STOM: variants seen among roughly 807,000 people sequenced by gnomAD.
STOM encodes the protein erythrocyte band 7 integral membrane protein.
A neutral mutation model predicts 30.6 loss-of-function variants in STOM; 25 were observed. The ratio of observed to expected loss-of-function variants is 0.82; its 90% confidence interval spans 0.60 to 1.14. The LOEUF is 1.14. Ranked by LOEUF, STOM falls within the 50% of genes most tolerant of loss-of-function variation. The pLI is 0.00. For missense variants in STOM, 292 were observed against 365.2 expected, an observed-to-expected ratio of 0.80 and a Z score of 1.63; for synonymous variants, 118 against 130.8, an observed-to-expected ratio of 0.90 and a Z score of 0.67.
At chr9:121,347,716 A>G (rs147422778) in intron 6 of STOM, among the ~76,000 whole-genome samples, 96 of 152,358 alleles carry the variant, frequency 6.3e-4, no homozygotes, top group Middle Eastern at 3.4e-3. Flanking sequence ...GTCCATAGAT[A>G]TTAATATTAA....
intron 3 of STOM, 114 bp downstream of exon 3, chr9:121,354,486 CT>C: frequency 2.6e-6 from 2 of 769,548 alleles, no homozygotes; most frequent in East Asian, 5.6e-5. Flanking sequence ...TGCCACTGTA[CT>C]CCAGCCTGGG....
chr9:121,345,230 A>G lies in STOM; in HGVS notation c.660+2785T>C, dbSNP rs145234323. On this transcript the variant is annotated intron_variant, in intron 6 of 6. Coordinates refer to ENST00000286713, the MANE Select transcript of STOM (RefSeq NM_004099.6). ...CTCATAGGGTATACAAATGTTCAGT[A>G]TGAATAGACATTGCCAGACTGTTTT... is the stretch of plus-strand genomic sequence containing the variant. Among the ~76,000 whole-genome samples the G allele has an allele frequency of 4.5e-3, 691 of 152,298 alleles. 3 individuals are homozygous for G. Among genetic ancestry groups the G allele is most frequent in the Non-Finnish European group, 7.7e-3 (526 of 68,024 alleles).
At chr9:121,355,227 G>A (rs2064374581) in intron 2 of STOM, among the ~76,000 whole-genome samples, 3 of 100,540 alleles carry the variant, frequency 3.0e-5, no homozygotes, top group African/African-American at 8.7e-5. Flanking sequence ...AGGTGACTCC[G>A]TCTCAAAAAA....
chr9:121,345,665 C>A (rs1280928256), intron 6 of STOM, among the ~76,000 whole-genome samples: 3 of 152,168 alleles, frequency 2.0e-5, no homozygotes, highest in African/African-American at 7.2e-5. Flanking sequence ...TCTAGACTAA[C>A]CCTACAGCCC....
rs1218627430 is a variant in STOM, at chr9:121,339,065, A to C, written c.*2137T>G. Reference sequence around the variant, plus strand: ...TCAATACAGGCCGAAACAGACTCTCACCCCAAAAATATTAGTGAAAGTGCA... The same window carrying C: ...TCAATACAGGCCGAAACAGACTCTCCCCCCAAAAATATTAGTGAAAGTGCA... On this transcript the variant is annotated 3_prime_UTR_variant, in exon 7 of 7. Coordinates refer to ENST00000286713, the MANE Select transcript of STOM (RefSeq NM_004099.6). The C allele has an allele frequency of 6.6e-6, 1 of 152,162 alleles. No homozygotes were observed. Among genetic ancestry groups the C allele is most frequent in the South Asian group, 2.1e-4 (1 of 4,820 alleles). 9.4% of individuals were successfully genotyped at this position (152,162 alleles called of 1,614,324 possible).
intron 4 of STOM, among the ~76,000 whole-genome samples, chr9:121,351,493 T>C (rs2064338911): frequency 6.6e-6 from 1 of 152,228 alleles, no homozygotes; most frequent in African/African-American, 2.4e-5. Flanking sequence ...CCATGCTGAG[T>C]ATCTGGCCTT....
chr9:121,344,434 G>C (rs2064272319), intron 6 of STOM, among the ~76,000 whole-genome samples: 1 of 152,138 alleles, frequency 6.6e-6, no homozygotes, highest in South Asian at 2.1e-4. Flanking sequence ...TGAGAAGCCA[G>C]ACCCACCGGG....
At chr9:121,354,947 C>T (rs2064371120) in intron 2 of STOM, among the ~76,000 whole-genome samples, 1 of 152,000 alleles carries the variant, frequency 6.6e-6, no homozygotes, top group South Asian at 2.1e-4. Context: ...CACTCCTCAG[C>T]TGTTAACATT....
intron 2 of STOM, among the ~76,000 whole-genome samples, chr9:121,355,575 T>C (rs1564630632): frequency 1.3e-5 from 2 of 152,068 alleles, no homozygotes; most frequent in Middle Eastern, 3.2e-3. Flanking sequence ...GTAGAAAAAA[T>C]AACGAGCACT....
chr9:121,356,789 C>A (rs901924984), intron 1 of STOM, among the ~76,000 whole-genome samples: 4 of 152,088 alleles, frequency 2.6e-5, no homozygotes, highest in African/African-American at 9.7e-5. Context: ...TCAAGACCAG[C>A]CTGATCAACA....
chr9:121,346,630 A>T (rs1484806839), intron 6 of STOM, among the ~76,000 whole-genome samples: 1 of 152,246 alleles, frequency 6.6e-6, no homozygotes, highest in Non-Finnish European at 1.5e-5. Flanking sequence ...GGCACATTTA[A>T]TAACATCGTA....
chr9:121,364,714 T>C (rs993575522), intron 1 of STOM, among the ~76,000 whole-genome samples: 4 of 152,184 alleles, frequency 2.6e-5, no homozygotes. Context: ...CATTCAAATG[T>C]TTCAGGCCAT....
rs1183186853 is a variant in STOM at position 121,341,021 on chromosome 9, A to C, written c.*181T>G. ...TAAGACTAACAGATTACCTTATATA[A>C]ATCACCAATCTCTCAGTATTTACAA... On this transcript the variant is annotated 3_prime_UTR_variant, in exon 7 of 7. Coordinates refer to ENST00000286713, the MANE Select transcript of STOM (RefSeq NM_004099.6). 1 of 1,436,204 alleles carries C rather than the reference A, an allele frequency of 7.0e-7. No homozygotes were observed. Among genetic ancestry groups the C allele is most frequent in the Non-Finnish European group, 9.1e-7 (1 of 1,100,474 alleles). The allele number at this position is 1,436,204 out of a possible 1,614,324, so 89.0% of individuals were successfully genotyped here. A position where few individuals can be genotyped will look rare whatever the true frequency, so the allele number is the denominator to read the frequency against.
At chr9:121,367,124 A>G (rs1024262162) in intron 1 of STOM, among the ~76,000 whole-genome samples, 5 of 152,150 alleles carry the variant, frequency 3.3e-5, no homozygotes, top group Non-Finnish European at 1.5e-5. Context: ...AGATGAGTCA[A>G]ACTGATAAAT....
chr9:121,362,151 T>C (rs1411114821), intron 1 of STOM, among the ~76,000 whole-genome samples: 1 of 152,210 alleles, frequency 6.6e-6, no homozygotes, highest in Non-Finnish European at 1.5e-5. Context: ...ACATTCAAGT[T>C]GGGCTTACCT....
chr9:121,355,758 C>A (rs1317249267), intron 2 of STOM, among the ~76,000 whole-genome samples: 3 of 152,126 alleles, frequency 2.0e-5, no homozygotes, highest in African/African-American at 7.2e-5. Context: ...ACCCTATCAT[C>A]CTAACTCTGA....
intron 6 of STOM, 48 bp from the exon 7 acceptor site, chr9:121,341,456 G>T: frequency 6.2e-7 from 1 of 1,610,142 alleles, no homozygotes; most frequent in Non-Finnish European, 8.5e-7. Flanking sequence ...ACCTCATGGG[G>T]ACACACAGCA....
At chr9:121,351,705 G>A (rs966801045) in intron 4 of STOM, among the ~76,000 whole-genome samples, 17 of 152,350 alleles carry the variant, frequency 1.1e-4, no homozygotes, top group African/African-American at 3.6e-4. Context: ...AGAATCCGAA[G>A]AGCTCAATTT....
In STOM at chr9:121,340,386, T is replaced by C. The variant is rs1304386455; in HGVS notation, c.*816A>G. On this transcript the variant is annotated 3_prime_UTR_variant, in exon 7 of 7. Coordinates refer to ENST00000286713, the MANE Select transcript of STOM (RefSeq NM_004099.6). ...AATGGCTACTCTCAAGTAAGGATTA[T>C]TCTGAAACACGGTCTGGATTTAGAA... is the stretch of plus-strand genomic sequence containing the variant. The C allele has an allele frequency of 1.0e-6, 1 of 985,328 alleles. No individual in the cohort carries two copies. Among genetic ancestry groups the C allele is most frequent in the Non-Finnish European group, 1.2e-6 (1 of 829,954 alleles). 61.0% of individuals were successfully genotyped at this position (985,328 alleles called of 1,614,324 possible). A position where few individuals can be genotyped will look rare whatever the true frequency, so the allele number is the denominator to read the frequency against.
Sources: allele counts gnomAD v4.1 joint callset (sites outside exome capture counted in the v4.1 genomes callset), GRCh38; gene constraint gnomAD v4.1.1; transcripts MANE v1.5; gene names NCBI Gene and HGNC (gene_info 2026-07-23, HGNC 2026-07-21).